The following LYZL4 variants were observed in gnomAD, a reference collection of about 807,000 sequenced individuals.
LYZL4 encodes the protein lysozyme like 4, also known as lysozyme-like protein 4.
LYZL4 carries 13 observed loss-of-function variants against 17.6 expected under a neutral mutation model. The observed-to-expected ratio is 0.74, with a 90% CI of 0.48 to 1.18. The LOEUF (loss-of-function observed/expected upper bound fraction) is 1.18. Among genes scored for constraint, LYZL4 ranks in the 50% most tolerant of loss-of-function variants. The pLI, the probability that LYZL4 is intolerant of heterozygous loss-of-function variation, is 0.00. For synonymous variants in LYZL4, 64 were observed against 67.7 expected (o/e 0.95, Z 0.27); for missense variants, 174 against 188.2 (o/e 0.92, Z 0.44).
chr3:42,364,523 T>C, the LYZL4 span, among the ~76,000 whole-genome samples: 1 of 152,000 alleles, frequency 6.6e-6, no homozygotes, highest in South Asian at 2.1e-4. Context: ...TTTTGTATTT[T>C]TAGTAGAGAC....
chr3:42,406,203 T>C (rs564155334), intron 3 of LYZL4, among the ~76,000 whole-genome samples: 100 of 152,082 alleles, frequency 6.6e-4, no homozygotes, highest in Non-Finnish European at 1.3e-3. Context: ...CCTGTAACCC[T>C]AGCACTTTGG....
intron 4 of LYZL4, among the ~76,000 whole-genome samples, chr3:42,402,315 C>CTTTTTT (rs201251667): frequency 2.8e-4 from 39 of 136,914 alleles, no homozygotes; most frequent in South Asian, 6.8e-4. Flanking sequence ...CTTTTCTTTT[C>CTTTTTT]TTTCTTTTTT....
intron 4 of LYZL4, among the ~76,000 whole-genome samples, chr3:42,397,876 T>C (rs1412457915): frequency 6.6e-6 from 1 of 152,206 alleles, no homozygotes; most frequent in Non-Finnish European, 1.5e-5. Flanking sequence ...CCTTTTCTCC[T>C]GGTGCCTGTC....
At chr3:42,375,878 T>C in the LYZL4 span, among the ~76,000 whole-genome samples, 15 of 152,326 alleles carry the variant, frequency 9.8e-5, no homozygotes, top group African/African-American at 3.4e-4. Context: ...ATGGAATGAA[T>C]TCAGTCAATT....
At chr3:42,402,885 C>T (rs78411861) in intron 4 of LYZL4, among the ~76,000 whole-genome samples, 3,973 of 152,208 alleles carry the variant, frequency 0.026, 85 homozygotes, top group South Asian at 0.13. Context: ...AAGTAACCTG[C>T]GGTGAATCCA....
chr3:42,397,385 C>T, intron 4 of LYZL4, 51 bp from the exon 5 acceptor site: 2 of 1,327,160 alleles, frequency 1.5e-6, no homozygotes, highest in Non-Finnish European at 2.1e-6. Flanking sequence ...AACTCAGGGT[C>T]TCCAGGGCTT....
chr3:42,380,365 A>G, the LYZL4 span, among the ~76,000 whole-genome samples: 1 of 152,232 alleles, frequency 6.6e-6, no homozygotes, highest in Admixed American at 6.5e-5. Flanking sequence ...ATTTATGTTC[A>G]TGATCTTTCT....
intron 1 of LYZL4, among the ~76,000 whole-genome samples, chr3:42,408,988 T>A (rs1441352731): frequency 1.3e-5 from 2 of 152,220 alleles, no homozygotes; most frequent in Admixed American, 6.5e-5. Context: ...ATTAGAAGAA[T>A]CATACTTTCA....
At chr3:42,385,308 A>G in the LYZL4 span, among the ~76,000 whole-genome samples, 44 of 152,260 alleles carry the variant, frequency 2.9e-4, no homozygotes, top group East Asian at 1.2e-3. Context: ...TTACAATACC[A>G]TATTTTTTCT....
At chr3:42,386,519 CT>C in the LYZL4 span, among the ~76,000 whole-genome samples, 5 of 150,338 alleles carry the variant, frequency 3.3e-5, no homozygotes, top group Admixed American at 6.7e-5. Context: ...CAAAGCCCCC[CT>C]TTTTTTCCAT....
At chr3:42,382,456 A>G in the LYZL4 span, among the ~76,000 whole-genome samples, 1 of 152,148 alleles carries the variant, frequency 6.6e-6, no homozygotes, top group Non-Finnish European at 1.5e-5. Context: ...ATTAATATTT[A>G]TCAAGAAAAA....
At chr3:42,381,656 G>GT in the LYZL4 span, among the ~76,000 whole-genome samples, 4 of 152,346 alleles carry the variant, frequency 2.6e-5, no homozygotes, top group Middle Eastern at 0.01. Context: ...ACCAAAAGTT[G>GT]TAAGTATTTT....
chr3:42,387,958 C>T, the LYZL4 span, among the ~76,000 whole-genome samples: 1 of 152,146 alleles, frequency 6.6e-6, no homozygotes, highest in Admixed American at 6.6e-5. Flanking sequence ...GTGGTCTTCA[C>T]CTCCCAGGCT....
intron 1 of LYZL4, among the ~76,000 whole-genome samples, chr3:42,408,693 A>G (rs1421567831): frequency 6.6e-6 from 1 of 152,078 alleles, no homozygotes; most frequent in Non-Finnish European, 1.5e-5. Context: ...TTATATATCA[A>G]TTGGACAATT....
the LYZL4 span, among the ~76,000 whole-genome samples, chr3:42,391,164 G>T: frequency 6.6e-6 from 1 of 152,122 alleles, no homozygotes; most frequent in Non-Finnish European, 1.5e-5. Context: ...TCCATTTTCT[G>T]CTACTATTGT....
At position 42,407,294 on chromosome 3, in the gene LYZL4, G is replaced by A. The variant is rs1559457075; in HGVS notation, c.-43C>T. The A allele has an allele frequency of 1.2e-6, 2 of 1,612,426 alleles. No homozygotes were observed. Among genetic ancestry groups the A allele is most frequent in the African/African-American group, 1.3e-5 (1 of 74,886 alleles). ...CAGGTCAGGGCAACGGTGGCCAGAT[G>A]AGTGGGTGGAGTCACAGGGACACTG... On this transcript the variant is annotated 5_prime_UTR_variant, in exon 2 of 5. Coordinates refer to ENST00000287748, the MANE Select transcript of LYZL4 (RefSeq NM_144634.4).
At chr3:42,402,932 C>T (rs1698682614) in intron 4 of LYZL4, among the ~76,000 whole-genome samples, 1 of 152,190 alleles carries the variant, frequency 6.6e-6, no homozygotes, top group Non-Finnish European at 1.5e-5. Context: ...GAATGAATCA[C>T]AACCACACAC....
chr3:42,393,483 C>T (rs1302443927), downstream of LYZL4, among the ~76,000 whole-genome samples: 4 of 152,170 alleles, frequency 2.6e-5, no homozygotes, highest in Admixed American at 6.5e-5. Flanking sequence ...CACTGCTGCC[C>T]GCTCAACATC....
At chr3:42,395,370 C>T (rs1328223113), downstream of LYZL4, among the ~76,000 whole-genome samples, 1 of 151,992 alleles carries the variant, frequency 6.6e-6, no homozygotes, top group African/African-American at 2.4e-5. Flanking sequence ...GAAAGCTGTG[C>T]CGTTGTTAAA....
Sources: allele counts gnomAD v4.1 joint callset (sites outside exome capture counted in the v4.1 genomes callset), GRCh38; gene constraint gnomAD v4.1.1; transcripts MANE v1.5; gene names NCBI Gene and HGNC (gene_info 2026-07-23, HGNC 2026-07-21).